RAB20: variants seen among roughly 807,000 people sequenced by gnomAD.
RAB20 encodes the protein ras-related protein Rab-20.
In RAB20, 2 loss-of-function variants were observed where a neutral mutation model predicts 3.7. The ratio of observed to expected loss-of-function variants is 0.54; its 90% confidence interval spans 0.22 to 1.69. The LOEUF is 1.69. Among genes scored for constraint, RAB20 ranks in the 40% most tolerant of loss-of-function variants. RAB20 has a pLI of 0.19. For missense variants in RAB20, 276 were observed against 311.9 expected (o/e 0.88, Z 0.87); for synonymous variants, 126 against 130.8 (o/e 0.96, Z 0.25).
At chr13:110,541,857 C>T (rs570955857) in intron 1 of RAB20, among the ~76,000 whole-genome samples, 19 of 151,774 alleles carry the variant, frequency 1.3e-4, no homozygotes, top group East Asian at 1.9e-4. Flanking sequence ...CATACATGCA[C>T]GTACATGCCA....
At chr13:110,557,803 C>T (rs915135890) in intron 1 of RAB20, among the ~76,000 whole-genome samples, 10 of 152,240 alleles carry the variant, frequency 6.6e-5, no homozygotes, top group African/African-American at 1.7e-4. Flanking sequence ...CTGCTCCCCC[C>T]GCCTCCCGGC....
rs1333595932 is a variant in RAB20 at position 110,555,057 on chromosome 13, GGACGGCAACGTT to G, written c.172+6279_172+6290del. 3.3e-5 allele frequency among the ~76,000 whole-genome samples: 5 copies of G among 152,164 alleles called. No individual in the cohort carries two copies. The highest frequency in any genetic ancestry group is 1.2e-4 in the African/African-American group (5 of 41,446). On this transcript the variant is annotated intron_variant, in intron 1 of 1. Coordinates refer to ENST00000267328, the MANE Select transcript of RAB20 (RefSeq NM_017817.3). This position sits in a 1 kb window ranked among gnomAD's most constrained non-coding sequence, Gnocchi z 4.0. ...GTAAGATGCTGCTTCCCAGTCTGTAGGACGGCAACGTTGACGCCTCCCAGGAGGAGCCTTGTG... is the reference window on the plus strand; with the variant it reads ...GTAAGATGCTGCTTCCCAGTCTGTAGGACGCCTCCCAGGAGGAGCCTTGTG...
At chr13:110,551,379 C>T (rs331593) in intron 1 of RAB20, among the ~76,000 whole-genome samples, 2 of 152,110 alleles carry the variant, frequency 1.3e-5, no homozygotes, top group Non-Finnish European at 2.9e-5. Context: ...CTGTGAGAAC[C>T]GAGCAAAGAC....
At chr13:110,527,105 T>G (rs1594127944) in intron 1 of RAB20, among the ~76,000 whole-genome samples, 1 of 152,082 alleles carries the variant, frequency 6.6e-6, no homozygotes, top group Non-Finnish European at 1.5e-5. Flanking sequence ...AACCACTGTT[T>G]AGAGCCAAAT....
At chr13:110,539,136 G>A (rs975706269) in intron 1 of RAB20, among the ~76,000 whole-genome samples, 16 of 152,172 alleles carry the variant, frequency 1.1e-4, no homozygotes, top group Admixed American at 2.0e-4. Context: ...ATCCAATGTA[G>A]TTGCTTGCAT....
chr13:110,548,858 G>A (rs373904413), intron 1 of RAB20, among the ~76,000 whole-genome samples: 12 of 152,242 alleles, frequency 7.9e-5, no homozygotes, highest in Middle Eastern at 3.4e-3. Flanking sequence ...AGTGGATGCC[G>A]GAACAATGGA....
intron 1 of RAB20, among the ~76,000 whole-genome samples, chr13:110,560,561 G>C (rs1311834330): frequency 6.6e-6 from 1 of 152,050 alleles, no homozygotes; most frequent in Non-Finnish European, 1.5e-5. Flanking sequence ...ACTATTTCCA[G>C]TTTCTTCATT....
chr13:110,538,941 T>G (rs1884704597), intron 1 of RAB20, among the ~76,000 whole-genome samples: 1 of 152,178 alleles, frequency 6.6e-6, no homozygotes, highest in South Asian at 2.1e-4. Flanking sequence ...AAGAAAATAC[T>G]CTGAGCCAAC....
Position 110,538,613 on chromosome 13 carries a change from AAAAAAGAAAGAAAAG to A in RAB20, c.173-14431_173-14417del, listed in dbSNP as rs1406001372. On this transcript the variant is annotated intron_variant, in intron 1 of 1. Transcript: ENST00000267328. Reference sequence around the variant, plus strand: ...ATCTTCTCTCAAAAAAAAAAAAAAAAAAAAAGAAAGAAAAGAAAAGAAAAGAAAAAGAAATAAAGA... The same window carrying A: ...ATCTTCTCTCAAAAAAAAAAAAAAAAAAAAGAAAAGAAAAAGAAATAAAGA... 5.2e-4 allele frequency among the ~76,000 whole-genome samples: 70 copies of A among 134,576 alleles called. No homozygotes were observed. In the Middle Eastern group the frequency reaches 0.015, roughly 29 times the overall value. The allele number at this position is 134,576 out of a possible 152,430, so 88.3% of individuals were successfully genotyped here. A position where few individuals can be genotyped will look rare whatever the true frequency, so the allele number is the denominator to read the frequency against.
chr13:110,552,927 G>A (rs929117106), intron 1 of RAB20, among the ~76,000 whole-genome samples: 1 of 152,218 alleles, frequency 6.6e-6, no homozygotes, highest in Non-Finnish European at 1.5e-5. Context: ...CCAGGAGGCT[G>A]TGGGCCGAGC....
intron 1 of RAB20, among the ~76,000 whole-genome samples, chr13:110,528,985 T>C (rs1021184210): frequency 6.6e-6 from 1 of 152,240 alleles, no homozygotes; most frequent in African/African-American, 2.4e-5. Context: ...TTGGAGATAA[T>C]GTATAGCTTT....
Position 110,531,710 on chromosome 13 carries a change from A to G in RAB20, c.173-7513T>C, listed in dbSNP as rs572195344. On this transcript the variant is annotated intron_variant, in intron 1 of 1. Coordinates refer to ENST00000267328, the MANE Select transcript of RAB20 (RefSeq NM_017817.3). ...GGATGCCACCGTCCCAGGGCTGCCC[A>G]TGTCCCGGGTCTCATCATCCCTCCA... is the stretch of plus-strand genomic sequence containing the variant. Among the ~76,000 whole-genome samples the G allele has an allele frequency of 3.9e-5, 6 of 152,246 alleles. No individual in the cohort carries two copies. In the South Asian group the frequency reaches 1.2e-3, roughly 32 times the overall value.
chr13:110,534,376 G>A (rs1371050410), intron 1 of RAB20, among the ~76,000 whole-genome samples: 1 of 152,182 alleles, frequency 6.6e-6, no homozygotes, highest in Non-Finnish European at 1.5e-5. Flanking sequence ...AGGCTCTCCA[G>A]AGAGGCCTGT....
At chr13:110,540,258 C>T (rs562880602) in intron 1 of RAB20, among the ~76,000 whole-genome samples, 1 of 152,338 alleles carries the variant, frequency 6.6e-6, no homozygotes, top group South Asian at 2.1e-4. Flanking sequence ...TCTCCTTTAC[C>T]TTCAAGAGAT....
chr13:110,523,483 T>G lies in RAB20; in HGVS notation c.*182A>C. 9.1e-7 allele frequency: 1 copy of G among 1,100,016 alleles called. No individual in the cohort carries two copies. The highest frequency in any genetic ancestry group is 1.3e-6 in the Non-Finnish European group (1 of 792,630). The allele number at this position is 1,100,016 out of a possible 1,614,324, so 68.1% of individuals were successfully genotyped here. A position where few individuals can be genotyped will look rare whatever the true frequency, so the allele number is the denominator to read the frequency against. ...ACCTCCCCACCCCTCTGACAGAGAC[T>G]GAGGAGACCACACACGTTGACCTCC... On this transcript the variant is annotated 3_prime_UTR_variant, in exon 2 of 2. Coordinates refer to ENST00000267328, the MANE Select transcript of RAB20 (RefSeq NM_017817.3).
chr13:110,537,146 AATTTTT>A (rs894731517), intron 1 of RAB20, among the ~76,000 whole-genome samples: 15 of 151,172 alleles, frequency 9.9e-5, no homozygotes, highest in East Asian at 2.0e-4. Context: ...ACGCCTGGGT[AATTTTT>A]ATTTTTATTT....
intron 1 of RAB20, among the ~76,000 whole-genome samples, chr13:110,536,726 CGGT>C (rs1353433483): frequency 0.25 from 2,596 of 10,580 alleles, 919 homozygotes; most frequent in Middle Eastern, 0.42. Context: ...TTTTTTGGGG[CGGT>C]GGGGGGGGGT....
chr13:110,528,890 G>A (rs141540815), intron 1 of RAB20, among the ~76,000 whole-genome samples: 407 of 152,342 alleles, frequency 2.7e-3, no homozygotes, highest in African/African-American at 9.5e-3. Flanking sequence ...ACCCATTAAT[G>A]AATGCAAACC....
intron 1 of RAB20, 34 bp downstream of exon 1, chr13:110,561,314 C>T: frequency 6.4e-7 from 1 of 1,553,364 alleles, no homozygotes; most frequent in South Asian, 1.2e-5. Context: ...GGCGGAGCCC[C>T]AGGGCGGTGT....
Sources: gnomAD v4.1 joint callset for allele counts (sites outside exome capture counted in the v4.1 genomes callset) on GRCh38, gnomAD v4.1.1 for gene constraint, Gnocchi (gnomAD v3.1) non-coding constraint, MANE v1.5 for transcripts, NCBI Gene and HGNC (gene_info 2026-07-23, HGNC 2026-07-21) for gene names.